DOCK4: variants seen among roughly 807,000 people sequenced by gnomAD.
DOCK4 encodes dedicator of cytokinesis 4.
DOCK4 carries 97 observed loss-of-function variants against 268.1 expected under a neutral mutation model. That is an observed-to-expected ratio of 0.36 (90% CI 0.31 to 0.43). The LOEUF is 0.43. DOCK4 is among the 20% of genes least tolerant of loss of function. The probability of loss-of-function intolerance (pLI) is 1.00; values close to 1 mark genes in which losing one functional copy is unlikely to be tolerated. For synonymous variants in DOCK4, 954 were observed against 887.2 expected (o/e 1.08, Z -1.34); for missense variants, 2,145 against 2,455.7 (o/e 0.87, Z 2.67).
At chr7:111,977,986 G>A (rs1586556904) in intron 7 of DOCK4, among the ~76,000 whole-genome samples, 1 of 152,182 alleles carries the variant, frequency 6.6e-6, no homozygotes, top group South Asian at 2.1e-4. Flanking sequence ...GTTCCCACAG[G>A]TTGAGGGAGA....
At position 111,733,150 on chromosome 7, in the gene DOCK4, C is replaced by T. The variant is rs1585812814; in HGVS notation, c.5420-863G>A. Among the ~76,000 whole-genome samples, 3 of 152,306 alleles carry T rather than the reference C, an allele frequency of 2.0e-5. No homozygotes were observed. In the East Asian group the frequency reaches 5.8e-4, roughly 29 times the overall value. On this transcript the variant is annotated intron_variant, in intron 51 of 52. Coordinates refer to ENST00000428084, the MANE Select transcript of DOCK4 (RefSeq NM_001363540.2). ...GGGTATGTCGCTCTGTGATTAGCTGCTACTCTCCCAGCTGTCACAGTGAGG... is the reference window on the plus strand; with the variant it reads ...GGGTATGTCGCTCTGTGATTAGCTGTTACTCTCCCAGCTGTCACAGTGAGG...
rs1257145951 is a variant in DOCK4 at position 111,875,772 on chromosome 7, G to T, written c.1744+1258C>A. On this transcript the variant is annotated intron_variant, in intron 17 of 52. Transcript: ENST00000428084. Reference sequence around the variant, plus strand: ...TTCCAGGGGGAATGCAGCCCTGCTGGCACCTTGATTTTAGCCCAGTGGAAC... The same window carrying T: ...TTCCAGGGGGAATGCAGCCCTGCTGTCACCTTGATTTTAGCCCAGTGGAAC... Among the ~76,000 whole-genome samples the T allele has an allele frequency of 2.9e-4, 44 of 152,148 alleles. 2 individuals are homozygous for T. Among genetic ancestry groups the T allele is most frequent in the Non-Finnish European group, 4.4e-5 (3 of 68,038 alleles).
At chr7:112,010,650 A>G (rs562371594) in intron 1 of DOCK4, among the ~76,000 whole-genome samples, 1 of 152,310 alleles carries the variant, frequency 6.6e-6, no homozygotes, top group African/African-American at 2.4e-5. Flanking sequence ...CACAGGCCTC[A>G]CACACCTTGC....
chr7:111,876,473 G>T (rs1057435983), intron 17 of DOCK4, among the ~76,000 whole-genome samples: 15 of 151,858 alleles, frequency 9.9e-5, no homozygotes, highest in Admixed American at 3.3e-4. Context: ...TAGCATTCGG[G>T]GTGCTAGCCA....
At chr7:112,127,951 C>T (rs1431431312) in intron 1 of DOCK4, among the ~76,000 whole-genome samples, 2 of 152,158 alleles carry the variant, frequency 1.3e-5, no homozygotes, top group Non-Finnish European at 2.9e-5. Flanking sequence ...ATTGCTTGAA[C>T]CCGGGAGGCA....
intron 22 of DOCK4, among the ~76,000 whole-genome samples, chr7:111,864,798 A>G (rs904294337): frequency 3.9e-5 from 6 of 152,170 alleles, no homozygotes; most frequent in African/African-American, 1.4e-4. Flanking sequence ...GCTGAGTCAT[A>G]CTGATGAAGT....
chr7:111,730,565 A>T (rs992045895), intron 52 of DOCK4, among the ~76,000 whole-genome samples: 8 of 152,278 alleles, frequency 5.3e-5, no homozygotes, highest in Admixed American at 3.9e-4. Flanking sequence ...TAGACCTGAA[A>T]TTCAAAATAT....
chr7:111,877,883 C>T (rs908746401), intron 16 of DOCK4, among the ~76,000 whole-genome samples: 8 of 152,118 alleles, frequency 5.3e-5, no homozygotes, highest in African/African-American at 1.4e-4. Context: ...GCCAATGTAG[C>T]GACATACAGA....
chr7:111,813,214 C>T (rs1309213829), intron 27 of DOCK4, among the ~76,000 whole-genome samples: 1 of 152,048 alleles, frequency 6.6e-6, no homozygotes, highest in African/African-American at 2.4e-5. Context: ...AGCCTCAGTT[C>T]TCTTCATGGG....
At chr7:112,051,721 A>G (rs966245241) in intron 1 of DOCK4, among the ~76,000 whole-genome samples, 2 of 147,846 alleles carry the variant, frequency 1.4e-5, no homozygotes, top group Non-Finnish European at 2.9e-5. Flanking sequence ...GAGCTGCTCA[A>G]ATGATATTAT....
intron 1 of DOCK4, among the ~76,000 whole-genome samples, chr7:112,057,565 A>T (rs1221219966): frequency 2.6e-5 from 4 of 151,974 alleles, no homozygotes; most frequent in Non-Finnish European, 4.4e-5. Flanking sequence ...AATAAAAAAA[A>T]AAAAAATGAA....
chr7:111,970,134 G>A (rs1030676112), intron 8 of DOCK4, among the ~76,000 whole-genome samples: 58 of 151,956 alleles, frequency 3.8e-4, no homozygotes, highest in African/African-American at 1.3e-3. Flanking sequence ...ACAAACCCTC[G>A]ACAGACCCCT....
chr7:112,084,291 A>G (rs1219752953), intron 1 of DOCK4, among the ~76,000 whole-genome samples: 1 of 152,236 alleles, frequency 6.6e-6, no homozygotes, highest in Non-Finnish European at 1.5e-5. Context: ...AAAAGTGAAA[A>G]GATGTTTAAA....
At chr7:112,010,908 A>G (rs1801236197) in intron 1 of DOCK4, among the ~76,000 whole-genome samples, 1 of 152,224 alleles carries the variant, frequency 6.6e-6, no homozygotes, top group African/African-American at 2.4e-5. Flanking sequence ...GCAGAATGTC[A>G]TCCTCCTTGA....
chr7:111,934,523 G>GTTTTTGTTTTTTTTTT (rs1562907282), intron 12 of DOCK4, among the ~76,000 whole-genome samples: 6 of 83,874 alleles, frequency 7.2e-5, no homozygotes, highest in African/African-American at 2.4e-4. Flanking sequence ...TTTTGTTTTT[G>GTTTTTGTTTTTTTTTT]TTTTTTTTTT....
intron 1 of DOCK4, among the ~76,000 whole-genome samples, chr7:112,059,061 CA>C (rs1157144816): frequency 1.3e-5 from 2 of 149,154 alleles, no homozygotes; most frequent in Non-Finnish European, 3.0e-5. Flanking sequence ...AATTCAGAGG[CA>C]AATGAAGCTA....
intron 1 of DOCK4, among the ~76,000 whole-genome samples, chr7:112,113,161 G>A (rs761680759): frequency 8.5e-5 from 13 of 152,220 alleles, no homozygotes; most frequent in Non-Finnish European, 1.5e-4. Flanking sequence ...GCAAAGTGGG[G>A]TGTTGGCCAA....
At position 112,022,952 on chromosome 7, in the gene DOCK4, T is replaced by C. The variant is rs376388263; in HGVS notation, c.38-18821A>G. On this transcript the variant is annotated intron_variant, in intron 1 of 52. Coordinates refer to ENST00000428084, the MANE Select transcript of DOCK4 (RefSeq NM_001363540.2). ...TTGTTTTTGAGATGGAGTCTCACTC[T>C]GTTGCCCATGCTGGAGTGCAGTGGC... Among the ~76,000 whole-genome samples, 42 of 152,302 alleles carry C rather than the reference T, an allele frequency of 2.8e-4. No individual in the cohort carries two copies. The South Asian group carries it at 4.6e-3, about 17-fold the overall frequency.
At chr7:111,874,616 A>T (rs1426500615) in intron 17 of DOCK4, among the ~76,000 whole-genome samples, 1 of 152,228 alleles carries the variant, frequency 6.6e-6, no homozygotes, top group Non-Finnish European at 1.5e-5. Context: ...TGTTAGTTGC[A>T]AATTAGGAGC....
Sources: gnomAD v4.1 joint callset for allele counts (sites outside exome capture counted in the v4.1 genomes callset) on GRCh38, gnomAD v4.1.1 for gene constraint, MANE v1.5 for transcripts, NCBI Gene and HGNC (gene_info 2026-07-23, HGNC 2026-07-21) for gene names.